USH2A: variants seen among roughly 807,000 people sequenced by gnomAD.
USH2A encodes the protein Usher syndrome 2A (autosomal recessive, mild).
Under a neutral mutation model 538.9 loss-of-function variants are expected in USH2A, and 443 were observed. The observed-to-expected ratio is 0.82, with a 90% CI of 0.76 to 0.89. USH2A has a LOEUF of 0.89. Ranked by LOEUF, USH2A falls within the 40% of genes least tolerant of loss-of-function variation. The pLI is 0.00. For synonymous variants in USH2A, 2,413 were observed against 2,273.5 expected, an observed-to-expected ratio of 1.06 and a Z score of -1.75; for missense variants, 6,633 against 6,324.8, an observed-to-expected ratio of 1.05 and a Z score of -1.65.
At chr1:216,152,461 A>C (rs1572004104) in intron 21 of USH2A, among the ~76,000 whole-genome samples, 15 of 117,834 alleles carry the variant, frequency 1.3e-4, no homozygotes, top group South Asian at 3.0e-4. Flanking sequence ...TGCGACCCCC[A>C]CTCCTGCCCA....
chr1:215,712,130 C>T (rs1163731115), intron 61 of USH2A, among the ~76,000 whole-genome samples: 1 of 152,130 alleles, frequency 6.6e-6, no homozygotes, highest in Admixed American at 6.5e-5. Context: ...GACTCCCAAC[C>T]CAAATATGCT....
At chr1:216,215,584 T>C (rs1280604800) in intron 15 of USH2A, among the ~76,000 whole-genome samples, 2 of 152,122 alleles carry the variant, frequency 1.3e-5, no homozygotes, top group African/African-American at 4.8e-5. Flanking sequence ...GCAGGAAAGT[T>C]GTCTCATTTG....
intron 58 of USH2A, among the ~76,000 whole-genome samples, chr1:215,756,894 CAGAG>C (rs1244543436): frequency 6.6e-6 from 1 of 151,396 alleles, no homozygotes; most frequent in African/African-American, 2.4e-5. Context: ...GCCTGGGTGA[CAGAG>C]AGAGAGACCC....
intron 55 of USH2A, among the ~76,000 whole-genome samples, chr1:215,768,837 A>G (rs749933922): frequency 1.3e-5 from 2 of 152,214 alleles, no homozygotes; most frequent in Non-Finnish European, 2.9e-5. Context: ...TTTAGAATAT[A>G]AGCCCTTTGA....
chr1:216,034,613 C>T (rs1669202703), intron 32 of USH2A, among the ~76,000 whole-genome samples: 1 of 152,044 alleles, frequency 6.6e-6, no homozygotes, highest in Non-Finnish European at 1.5e-5. Flanking sequence ...GAAGGGAAAA[C>T]ACTATGTAAT....
chr1:216,398,555 T>A lies in USH2A; in HGVS notation c.651+19959A>T, dbSNP rs11117567. On this transcript the variant is annotated intron_variant, in intron 3 of 71. Coordinates refer to ENST00000307340, the MANE Select transcript of USH2A (RefSeq NM_206933.4). ...AAACACACACACACAAGCACACCCA[T>A]ACACACACACACACTCTCTCCCCAC... Among the ~76,000 whole-genome samples, 105 of 127,778 alleles carry A rather than the reference T, an allele frequency of 8.2e-4. 1 individual carries two copies. The highest frequency in any genetic ancestry group is 2.6e-3 in the African/African-American group (99 of 38,404). The allele number at this position is 127,778 out of a possible 152,430, so 83.8% of individuals were successfully genotyped here. A position where few individuals can be genotyped will look rare whatever the true frequency, so the allele number is the denominator to read the frequency against.
At chr1:216,033,818 T>C (rs1669182632) in intron 32 of USH2A, among the ~76,000 whole-genome samples, 1 of 152,100 alleles carries the variant, frequency 6.6e-6, no homozygotes. Flanking sequence ...CCAGCCTGGG[T>C]GACACAGGAA....
chr1:215,854,048 A>G (rs1240215667), intron 44 of USH2A, among the ~76,000 whole-genome samples: 1 of 152,174 alleles, frequency 6.6e-6, no homozygotes, highest in East Asian at 1.9e-4. Flanking sequence ...AACTTACTGT[A>G]TTAGTCTGTT....
intron 45 of USH2A, 91 bp downstream of exon 45, chr1:215,845,733 T>C (rs1663821680): frequency 4.2e-6 from 6 of 1,419,678 alleles, no homozygotes; most frequent in Non-Finnish European, 4.9e-6. Flanking sequence ...GGAAATTTTA[T>C]AATGGAGGGA....
At chr1:216,092,374 C>A (rs1046085077) in intron 22 of USH2A, among the ~76,000 whole-genome samples, 2 of 151,996 alleles carry the variant, frequency 1.3e-5, no homozygotes, top group Non-Finnish European at 2.9e-5. Context: ...ATAATCTCGT[C>A]CGCATTTAAA....
chr1:216,309,896 C>T (rs1009327521), intron 9 of USH2A, among the ~76,000 whole-genome samples: 2 of 151,992 alleles, frequency 1.3e-5, no homozygotes, highest in African/African-American at 4.8e-5. Context: ...AGATAAATCC[C>T]TCTTGGTTCT....
At chr1:216,132,166 A>C (rs2033390594) in intron 21 of USH2A, among the ~76,000 whole-genome samples, 1 of 152,126 alleles carries the variant, frequency 6.6e-6, no homozygotes, top group South Asian at 2.1e-4. Flanking sequence ...ACTTCAGAGA[A>C]GAGGCATTAC....
At chr1:215,712,119 C>T (rs183457388) in intron 61 of USH2A, among the ~76,000 whole-genome samples, 11 of 152,222 alleles carry the variant, frequency 7.2e-5, no homozygotes, top group South Asian at 6.2e-4. Context: ...AGGCCTTTAG[C>T]GACTCCCAAC....
intron 26 of USH2A, among the ~76,000 whole-genome samples, chr1:216,079,550 T>C (rs907146657): frequency 2.0e-5 from 3 of 152,148 alleles, no homozygotes; most frequent in South Asian, 2.1e-4. Context: ...AAAGGGTACA[T>C]ATGGAGGTGG....
At chr1:215,987,826 C>A (rs1667907835) in intron 35 of USH2A, among the ~76,000 whole-genome samples, 1 of 152,116 alleles carries the variant, frequency 6.6e-6, no homozygotes, top group Middle Eastern at 3.2e-3. Flanking sequence ...GATGTTTGCA[C>A]CATATTGTGA....
At chr1:216,414,513 AT>A (rs972957859) in intron 3 of USH2A, among the ~76,000 whole-genome samples, 10 of 151,756 alleles carry the variant, frequency 6.6e-5, no homozygotes, top group East Asian at 3.9e-4. Context: ...ATTTAAAATA[AT>A]TTTTTTTCTG....
At chr1:216,323,806 C>A in intron 7 of USH2A, 111 bp from the exon 8 acceptor site, 2 of 1,025,650 alleles carry the variant, frequency 1.9e-6, no homozygotes, top group Admixed American at 3.8e-5. Flanking sequence ...TTAAATTATT[C>A]ATTCTAGGAA....
intron 27 of USH2A, among the ~76,000 whole-genome samples, chr1:216,075,403 T>G (rs1481883311): frequency 2.0e-5 from 3 of 152,164 alleles, no homozygotes; most frequent in Non-Finnish European, 4.4e-5. Context: ...AGGGGATGTT[T>G]GCGAGAGGAG....
chr1:215,895,715 C>T (rs1225160862), intron 40 of USH2A, among the ~76,000 whole-genome samples: 1 of 152,174 alleles, frequency 6.6e-6, no homozygotes, highest in Non-Finnish European at 1.5e-5. Context: ...AGATGTAATG[C>T]AATGAGCAAA....
Sources: allele counts gnomAD v4.1 joint callset (sites outside exome capture counted in the v4.1 genomes callset), GRCh38; gene constraint gnomAD v4.1.1; transcripts MANE v1.5; gene names NCBI Gene and HGNC (gene_info 2026-07-23, HGNC 2026-07-21).